The following TBC1D12 variants were observed in gnomAD, a reference collection of about 807,000 sequenced individuals.
TBC1D12 encodes the protein TBC1 domain family member 12.
A neutral mutation model predicts 86.7 loss-of-function variants in TBC1D12; 56 were observed. The ratio of observed to expected loss-of-function variants is 0.65; its 90% CI spans 0.52 to 0.81. The LOEUF is 0.81. TBC1D12 is among the 30% of genes least tolerant of loss of function. TBC1D12 has a pLI of 0.00. For synonymous variants in TBC1D12, 421 were observed against 411.7 expected (o/e 1.02, Z -0.27); for missense variants, 1,023 against 1,038.8 (o/e 0.98, Z 0.21).
At chr10:94,492,487 A>G (rs924490135) in intron 3 of TBC1D12, among the ~76,000 whole-genome samples, 1 of 152,228 alleles carries the variant, frequency 6.6e-6, no homozygotes, top group African/African-American at 2.4e-5. Context: ...TTTTTACAGT[A>G]GTTTTATTAA....
chr10:94,484,146 C>CT (rs1322143028), intron 3 of TBC1D12, among the ~76,000 whole-genome samples: 4 of 151,714 alleles, frequency 2.6e-5, no homozygotes, highest in Non-Finnish European at 5.9e-5. Flanking sequence ...GTTTATGTGT[C>CT]TATTTTTATC....
At chr10:94,524,948 C>T (rs1483109807) in intron 11 of TBC1D12, among the ~76,000 whole-genome samples, 1 of 151,982 alleles carries the variant, frequency 6.6e-6, no homozygotes, top group African/African-American at 2.4e-5. Context: ...ACCTCAGCCT[C>T]CTGAGTAGTT....
At chr10:94,466,913 T>G (rs1486280587) in intron 2 of TBC1D12, among the ~76,000 whole-genome samples, 1 of 152,210 alleles carries the variant, frequency 6.6e-6, no homozygotes, top group Non-Finnish European at 1.5e-5. Flanking sequence ...TTTGACAGTT[T>G]GTCATCTTTC....
rs528537449 is a variant in TBC1D12 at position 94,407,461 on chromosome 10, C to T, written c.971+3877C>T. Among the ~76,000 whole-genome samples, 35 of 152,308 alleles carry T rather than the reference C, an allele frequency of 2.3e-4. No individual in the cohort carries two copies. In the South Asian group the frequency reaches 6.8e-3, roughly 30 times the overall value. ...CTTTGGGAGGCTGAGGCGGGTGGATCACCTGAGGTCAAGAGTTCGAGACCA... is the reference window on the plus strand; with the variant it reads ...CTTTGGGAGGCTGAGGCGGGTGGATTACCTGAGGTCAAGAGTTCGAGACCA... On this transcript the variant is annotated intron_variant, in intron 1 of 12. Transcript: ENST00000225235.
At chr10:94,452,460 C>T (rs2055564919) in intron 2 of TBC1D12, among the ~76,000 whole-genome samples, 1 of 152,112 alleles carries the variant, frequency 6.6e-6, no homozygotes, top group Non-Finnish European at 1.5e-5. Flanking sequence ...CCTCCAATCC[C>T]CTGGAAACCA....
rs928002668 is a variant in TBC1D12, at chr10:94,477,214, G to T, written c.1211+2431G>T. On this transcript the variant is annotated intron_variant, in intron 3 of 12. Coordinates refer to ENST00000225235, the MANE Select transcript of TBC1D12 (RefSeq NM_015188.2). Reference sequence around the variant, plus strand: ...ATAGAGACTGAATTTGGTCTCTAGTGTTCCACCCAACACTGAGATGCTGTG... The same window carrying T: ...ATAGAGACTGAATTTGGTCTCTAGTTTTCCACCCAACACTGAGATGCTGTG... Among the ~76,000 whole-genome samples, 4 of 152,236 alleles carry T rather than the reference G, an allele frequency of 2.6e-5. No individual in the cohort carries two copies. In the East Asian group the frequency reaches 7.7e-4, roughly 29 times the overall value.
chr10:94,476,083 G>A (rs984164326), intron 3 of TBC1D12, among the ~76,000 whole-genome samples: 1 of 151,674 alleles, frequency 6.6e-6, no homozygotes, highest in African/African-American at 2.4e-5. Flanking sequence ...AGGACTACAC[G>A]CGCACACCAC....
chr10:94,405,191 A>G (rs1453000078), intron 1 of TBC1D12, among the ~76,000 whole-genome samples: 1 of 151,734 alleles, frequency 6.6e-6, no homozygotes, highest in African/African-American at 2.4e-5. Context: ...AGTTCTCCCT[A>G]CTTTGTTTTT....
In TBC1D12 at chr10:94,531,388, T is replaced by C. The variant is rs1842414064; in HGVS notation, c.2187T>C (p.Asp729=). The C allele has an allele frequency of 1.9e-6, 3 of 1,613,996 alleles. No individual in the cohort carries two copies. The highest frequency in any genetic ancestry group is 2.5e-6 in the Non-Finnish European group (3 of 1,180,014). The change falls in exon 12 of 13, where the codon GAT becomes GAC. Residue 729 remains aspartate (D), a synonymous_variant. Transcript: ENST00000225235. The part of the protein sequence containing the change: ...IAQFLTKLPE[D]ITSEKLFSCI... Reference sequence around the variant, plus strand: ...AGTTTCTAACTAAATTGCCAGAAGATATCACATCGGAAAAGCTGTTCAGTT... The same window carrying C: ...AGTTTCTAACTAAATTGCCAGAAGACATCACATCGGAAAAGCTGTTCAGTT...
At chr10:94,519,705 A>G (rs11187999) in intron 9 of TBC1D12, among the ~76,000 whole-genome samples, 26,570 of 152,100 alleles carry the variant, frequency 0.17, 2,565 homozygotes, top group Middle Eastern at 0.25. Flanking sequence ...TCCACCTTCT[A>G]GAGGCTGCCT....
intron 1 of TBC1D12, among the ~76,000 whole-genome samples, chr10:94,424,791 C>A (rs1251179119): frequency 6.6e-6 from 1 of 152,142 alleles, no homozygotes; most frequent in Non-Finnish European, 1.5e-5. Flanking sequence ...GCATCCAGGG[C>A]ATATCGAAGC....
At chr10:94,404,746 G>A (rs960775833) in intron 1 of TBC1D12, among the ~76,000 whole-genome samples, 1 of 151,660 alleles carries the variant, frequency 6.6e-6, no homozygotes, top group African/African-American at 2.4e-5. Flanking sequence ...ATAAATAAGA[G>A]TAGTCAGAAA....
At chr10:94,415,768 T>C in intron 1 of TBC1D12, among the ~76,000 whole-genome samples, 1 of 152,126 alleles carries the variant, frequency 6.6e-6, no homozygotes, top group East Asian at 1.9e-4. Context: ...AATAAAACTT[T>C]TGATAGGTAA....
intron 1 of TBC1D12, among the ~76,000 whole-genome samples, chr10:94,403,940 C>T (rs929600413): frequency 4.6e-5 from 7 of 152,146 alleles, no homozygotes; most frequent in African/African-American, 1.2e-4. Context: ...AGATAACCAT[C>T]TCCGTCTCCA....
chr10:94,457,985 C>T (rs528563687), intron 2 of TBC1D12, among the ~76,000 whole-genome samples: 2 of 152,250 alleles, frequency 1.3e-5, no homozygotes, highest in Admixed American at 1.3e-4. Flanking sequence ...GTTTTACTCA[C>T]ATATGAGCAT....
intron 4 of TBC1D12, among the ~76,000 whole-genome samples, chr10:94,495,348 T>G (rs2056301297): frequency 6.6e-6 from 1 of 152,178 alleles, no homozygotes; most frequent in East Asian, 1.9e-4. Context: ...AGAAGTTATT[T>G]TGTAGAGATG....
At position 94,433,796 on chromosome 10, in the gene TBC1D12, A is replaced by G. The variant is rs578108162; in HGVS notation, c.972-8100A>G. 3.4e-4 allele frequency among the ~76,000 whole-genome samples: 52 copies of G among 152,266 alleles called. 1 individual carries two copies. The highest frequency in any genetic ancestry group is 1.2e-3 in the African/African-American group (49 of 41,558). On this transcript the variant is annotated intron_variant, in intron 1 of 12. Transcript: ENST00000225235. ...TTCACTAAGTTAAAAAATATGCTTA[A>G]GCCCTTCTATTTTATGGTGTCTCTG... is the stretch of plus-strand genomic sequence containing the variant.
rs1479258202 is a variant in TBC1D12, at chr10:94,402,952, G to C, written c.339G>C (p.Ser113=). The C allele has an allele frequency of 5.7e-6, 9 of 1,569,172 alleles. No individual in the cohort carries two copies. The highest frequency in any genetic ancestry group is 6.9e-6 in the Non-Finnish European group (8 of 1,162,826). The change falls in exon 1 of 13, where the codon TCG becomes TCC. Residue 113 remains serine, a synonymous_variant. Transcript: ENST00000225235. ...GATCGGACGCCTGCCTGCTGGGCTC[G>C]GGCTCCAAACACCGCGGCGCGGAGG... ...APRSDACLLG[S]GSKHRGAEVA... is the part of the protein sequence containing the mutation.
At chr10:94,468,320 A>G (rs1052583198) in intron 2 of TBC1D12, among the ~76,000 whole-genome samples, 1 of 152,210 alleles carries the variant, frequency 6.6e-6, no homozygotes, top group Non-Finnish European at 1.5e-5. Flanking sequence ...CATGTGATAC[A>G]TACTTTCTGC....
Sources: gnomAD v4.1 joint callset for allele counts (sites outside exome capture counted in the v4.1 genomes callset) on GRCh38, gnomAD v4.1.1 for gene constraint, MANE v1.5 for transcripts, NCBI Gene and HGNC (gene_info 2026-07-23, HGNC 2026-07-21) for gene names.